The following TOP2A variants were observed in gnomAD, a reference collection of about 807,000 sequenced individuals.
The protein encoded by TOP2A is DNA topoisomerase II alpha.
In TOP2A, 68 loss-of-function variants were observed where a neutral mutation model predicts 187.2. The observed-to-expected ratio is 0.36, with a 90% CI of 0.30 to 0.44. TOP2A has a LOEUF of 0.44. Among genes scored for constraint, TOP2A ranks in the 20% least tolerant of loss-of-function variants. The pLI, the probability that TOP2A is intolerant of heterozygous loss-of-function variation, is 1.00. For missense variants in TOP2A, 1,196 were observed against 1,808.7 expected, an observed-to-expected ratio of 0.66 and a Z score of 6.14; for synonymous variants, 542 against 593.2, an observed-to-expected ratio of 0.91 and a Z score of 1.25.
intron 4 of TOP2A, among the ~76,000 whole-genome samples, chr17:40,414,119 TA>T (rs939564424): frequency 2.0e-4 from 31 of 152,194 alleles, no homozygotes; most frequent in Non-Finnish European, 4.0e-4. Flanking sequence ...TACAAAATTT[TA>T]AAATGTTAGG....
Position 40,411,764 on chromosome 17 carries a change from T to C in TOP2A, c.844A>G (p.Thr282Ala), listed in dbSNP as rs745501541. The change falls in exon 8 of 35, where the codon ACT (threonine) becomes GCT (alanine). Residue 282 changes from threonine to alanine, a missense_variant. Coordinates refer to ENST00000423485, the MANE Select transcript of TOP2A (RefSeq NM_001067.4). The surrounding 1 kb of genome is among the most constrained non-coding windows in gnomAD (Gnocchi z 4.4). ...TGTATTACTTTCAAGGAGTTACCAG[T>C]TTCATCCAACTTGTCCTTCAAATAC... ...DMYLKDKLDETGNSLKVIHEQ... is the reference protein window; with the variant it reads ...DMYLKDKLDEAGNSLKVIHEQ... 6.2e-7 allele frequency: 1 copy of C among 1,611,430 alleles called. No homozygotes were observed. Among genetic ancestry groups the C allele is most frequent in the South Asian group, 1.1e-5 (1 of 90,358 alleles).
rs1818391992 is a variant in TOP2A at position 40,398,764 on chromosome 17, T to G, written c.3453+9A>C. On this transcript the variant is annotated intron_variant, in intron 26 of 34. Coordinates refer to ENST00000423485, the MANE Select transcript of TOP2A (RefSeq NM_001067.4). ...CTAAGCAGCATGTACCATCCTACTATCAACTCACTTTTTCATTTCTTAGCC... is the reference window on the plus strand; with the variant it reads ...CTAAGCAGCATGTACCATCCTACTAGCAACTCACTTTTTCATTTCTTAGCC... 1 of 1,607,748 alleles carries G rather than the reference T, an allele frequency of 6.2e-7. No homozygotes were observed. The highest frequency in any genetic ancestry group is 1.7e-5 in the Admixed American group (1 of 58,404).
At position 40,406,812 on chromosome 17, in the gene TOP2A, G is replaced by C. The variant is rs747542381; in HGVS notation, c.1737+20C>G. 3.8e-6 allele frequency: 6 copies of C among 1,589,582 alleles called. No individual in the cohort carries two copies. In the South Asian group the frequency reaches 4.5e-5, roughly 12 times the overall value. The stretch of plus-strand genomic sequence containing the variant: ...GTAGGGTCTTAAAATATCCATGATG[G>C]TACTTAGAAATTAGCGTACCTTTAC... On this transcript the variant is annotated intron_variant, in intron 14 of 34. Transcript: ENST00000423485.
At position 40,400,940 on chromosome 17, in the gene TOP2A, A is replaced by T; in HGVS notation, c.2574T>A (p.Thr858=). ...VLINGAEGIG[T]GWSCKIPNFD... ...AGTTGGGGATTTTGCAGGACCACCC[A>T]GTACCGATTCCTTCAGCACCATTTA... is the stretch of plus-strand genomic sequence containing the variant. The change falls in exon 21 of 35, where the codon ACT becomes ACA. Residue 858 remains threonine (T), a synonymous_variant. Coordinates refer to ENST00000423485, the MANE Select transcript of TOP2A (RefSeq NM_001067.4). The T allele has an allele frequency of 6.2e-7, 1 of 1,614,012 alleles. No individual in the cohort carries two copies. Among genetic ancestry groups the T allele is most frequent in the Non-Finnish European group, 8.5e-7 (1 of 1,179,886 alleles).
chr17:40,395,839 G>C (rs897263797), intron 28 of TOP2A, among the ~76,000 whole-genome samples: 2 of 151,948 alleles, frequency 1.3e-5, no homozygotes, highest in African/African-American at 2.4e-5. Flanking sequence ...TGTGAGCTGA[G>C]ATCCTGCCAT....
chr17:40,413,529 T>C lies in TOP2A; in HGVS notation c.429A>G (p.Gly143=). 1 of 1,544,544 alleles carries C rather than the reference T, an allele frequency of 6.5e-7. No homozygotes were observed. Among genetic ancestry groups the C allele is most frequent in the Non-Finnish European group, 8.7e-7 (1 of 1,143,700 alleles). The change falls in exon 5 of 35, where the codon GGA becomes GGG. Residue 143 remains glycine (G), a synonymous_variant. Coordinates refer to ENST00000423485, the MANE Select transcript of TOP2A (RefSeq NM_001067.4). ...EKMYVPALIF[G]QLLTSSNYDD... is the part of the protein sequence containing the mutation. ...CATAGTTACTAGAAGTTAGGAGCTG[T>C]CCAAATATGAGAGCTGGGACATACA...
At chr17:40,393,755 A>G (rs1448643248) in intron 29 of TOP2A, among the ~76,000 whole-genome samples, 1 of 152,248 alleles carries the variant, frequency 6.6e-6, no homozygotes, top group Admixed American at 6.5e-5. Flanking sequence ...TGTAAGAGCT[A>G]AAACTATAAA....
chr17:40,413,247 G>A lies in TOP2A; in HGVS notation c.524C>T (p.Thr175Ile). The A allele has an allele frequency of 6.4e-7, 1 of 1,566,786 alleles. No individual in the cohort carries two copies. Among genetic ancestry groups the A allele is most frequent in the Non-Finnish European group, 8.7e-7 (1 of 1,153,918 alleles). ...ACTGGCTGTTTCCACAGTAAATTTG[G>A]TACTGAATATGTTACACAATTTGGC... ...YGAKLCNIFS[T>I]KFTVETASRE... The change falls in exon 6 of 35, where the codon ACC becomes ATC. Residue 175 changes from threonine (T) to isoleucine (I), a missense_variant. Physicochemically the swap from Thr to Ile is moderately conservative, Grantham distance 89. Transcript: ENST00000423485.
Position 40,389,435 on chromosome 17 carries a change from G to T in TOP2A, c.*84C>A. The T allele has an allele frequency of 6.8e-7, 1 of 1,469,258 alleles. No homozygotes were observed. 91.0% of individuals were successfully genotyped at this position (1,469,258 alleles called of 1,614,324 possible). A position where few individuals can be genotyped will look rare whatever the true frequency, so the allele number is the denominator to read the frequency against. On this transcript the variant is annotated 3_prime_UTR_variant, in exon 35 of 35. Transcript: ENST00000423485. Reference sequence around the variant, plus strand: ...ACACCTTCCCCAAACTAAATTCAGAGGGGAGGAAGTTAAGAGCTTCAGGTA... The same window carrying T: ...ACACCTTCCCCAAACTAAATTCAGATGGGAGGAAGTTAAGAGCTTCAGGTA...
Position 40,416,898 on chromosome 17 carries a change from AGC to A in TOP2A, c.22-5_22-4del. The A allele has an allele frequency of 6.3e-7, 1 of 1,581,104 alleles. No individual in the cohort carries two copies. The highest frequency in any genetic ancestry group is 1.9e-5 in the Admixed American group (1 of 52,088). ...ACTTGCATATTTTCATTTACAGGCT[AGC>A]AATTAAAAAAAAAGAGAGAAAGAAG... On this transcript the variant is annotated splice_region_variant and splice_polypyrimidine_tract_variant and intron_variant, in intron 1 of 34. Transcript: ENST00000423485.
chr17:40,395,468 C>G lies in TOP2A; in HGVS notation c.3792G>C (p.Lys1264Asn). 6.2e-7 allele frequency: 1 copy of G among 1,608,462 alleles called. No homozygotes were observed. Among genetic ancestry groups the G allele is most frequent in the South Asian group, 1.1e-5 (1 of 90,202 alleles). Residue 1264 changes from lysine (K) to asparagine (N), a missense_variant, in exon 29 of 35, where the codon AAG becomes AAC. Coordinates refer to ENST00000423485, the MANE Select transcript of TOP2A (RefSeq NM_001067.4). The part of the protein sequence containing the change: ...ELEGLKQRLE[K>N]KQKREPGTKT... ...TAATACCTGGTTCTCTTTTCTGTTT[C>G]TTTTCTAATCTTTGTTTTAGGCCTT...
intron 6 of TOP2A, 36 bp downstream of exon 6, chr17:40,413,159 A>G (rs1269448225): frequency 1.6e-5 from 24 of 1,463,238 alleles, no homozygotes; most frequent in Non-Finnish European, 2.2e-5. Context: ...TACTACTACC[A>G]TTTATCATTA....
rs778287891 is a variant in TOP2A, at chr17:40,406,674, G to T, written c.1753C>A (p.Gln585Lys). Reference protein sequence around the residue: ...TPIVKVSKNKQEMAFYSLPEF... With the variant: ...TPIVKVSKNKKEMAFYSLPEF... ...GGAAGGCTGTAAAATGCCATTTCTT[G>T]CTTGTTTTTAGATACCTGTGATAAA... The change falls in exon 15 of 35, where the codon CAA (glutamine) becomes AAA (lysine). Residue 585 changes from glutamine (Q) to lysine (K), a missense_variant. Around this residue, in one of 10 missense-constraint regions of TOP2A, gnomAD observed 209 missense variants for 376.9 expected, o/e 0.55. Transcript: ENST00000423485. 3.1e-6 allele frequency: 5 copies of T among 1,612,302 alleles called. No individual in the cohort carries two copies. In the South Asian group the frequency reaches 4.4e-5, roughly 14 times the overall value.
chr17:40,399,506 C>CT lies in TOP2A; in HGVS notation c.3196+365dup, dbSNP rs75225181. ...TAGAAGCCATTCGTAATCTTCCTGC[C>CT]TTTTTTTTTTTTTACCATCAGATTT... On this transcript the variant is annotated intron_variant, in intron 24 of 34. Transcript: ENST00000423485. 3.6e-3 allele frequency among the ~76,000 whole-genome samples: 525 copies of CT among 144,254 alleles called. 3 individuals carry two copies. The highest frequency in any genetic ancestry group is 6.0e-3 in the South Asian group (27 of 4,526). The allele number at this position is 144,254 out of a possible 152,430, so 94.6% of individuals were successfully genotyped here.
rs192926120 is a variant in TOP2A at position 40,400,905 on chromosome 17, C to T, written c.2609G>A (p.Arg870His). The T allele has an allele frequency of 1.8e-5, 29 of 1,613,968 alleles. No individual in the cohort carries two copies. Among genetic ancestry groups the T allele is most frequent in the Middle Eastern group, 1.6e-4 (1 of 6,062 alleles). ...WSCKIPNFDV[R>H]EIVNNIRRLM... is the part of the protein sequence containing the mutation. ...ACGCCTGATGTTATTTACAATTTCA[C>T]GCACATCAAAGTTGGGGATTTTGCA... The change falls in exon 21 of 35, where the codon CGT (arginine) becomes CAT (histidine). Residue 870 changes from arginine (R) to histidine (H), a missense_variant. Around this residue, in one of 10 missense-constraint regions of TOP2A, gnomAD observed 232 missense variants for 306.1 expected, o/e 0.76. Coordinates refer to ENST00000423485, the MANE Select transcript of TOP2A (RefSeq NM_001067.4).
chr17:40,408,220 A>G, intron 11 of TOP2A, 96 bp from the exon 12 acceptor site: 1 of 1,033,196 alleles, frequency 9.7e-7, no homozygotes, highest in Non-Finnish European at 1.4e-6. Flanking sequence ...GATAAAACAC[A>G]ATTTACTATA....
chr17:40,393,359 T>C (rs777573232), intron 29 of TOP2A, among the ~76,000 whole-genome samples: 3 of 151,810 alleles, frequency 2.0e-5, no homozygotes, highest in African/African-American at 7.3e-5. Flanking sequence ...AAGGACTGTC[T>C]CTACAAAATA....
At chr17:40,398,110 CTTTTTTTTTTTTT>C (rs1048890086) in intron 27 of TOP2A, among the ~76,000 whole-genome samples, 1 of 127,650 alleles carries the variant, frequency 7.8e-6, no homozygotes, top group Non-Finnish European at 1.7e-5. Flanking sequence ...TAATCTGTCC[CTTTTTTTTTTTTT>C]TTTTTTTTGA....
chr17:40,394,986 G>A (rs1200191124), intron 29 of TOP2A, among the ~76,000 whole-genome samples: 5 of 152,056 alleles, frequency 3.3e-5, no homozygotes, highest in African/African-American at 4.8e-5. Context: ...TCCCAAGGAC[G>A]ATATTAAAGA....
Sources: allele counts gnomAD v4.1 joint callset (sites outside exome capture counted in the v4.1 genomes callset), GRCh38; gene constraint gnomAD v4.1.1; regional missense constraint gnomAD v4.1.1; non-coding constraint Gnocchi (gnomAD v3.1); transcripts MANE v1.5; gene names NCBI Gene and HGNC (gene_info 2026-07-23, HGNC 2026-07-21).